Variants in ACHE observed in about 807,000 individuals in gnomAD.
ACHE encodes the protein acetylcholinesterase (Yt blood group).
In ACHE, 19 loss-of-function variants were observed where a neutral mutation model predicts 53.9. The ratio of observed to expected loss-of-function variants is 0.35; its 90% CI spans 0.25 to 0.52. The LOEUF (loss-of-function observed/expected upper bound fraction) is 0.52, where lower values mean the gene tolerates loss of function less well. Among genes scored for constraint, ACHE ranks in the 20% least tolerant of loss-of-function variants. ACHE has a pLI of 0.95. For synonymous variants in ACHE, 392 were observed against 378.1 expected, an observed-to-expected ratio of 1.04 and a Z score of -0.43; for missense variants, 605 against 849.4, an observed-to-expected ratio of 0.71 and a Z score of 3.58.
chr7:100,894,163 G>T lies in ACHE; in HGVS notation c.70C>A (p.Leu24Ile). Residue 24 changes from leucine to isoleucine, a missense_variant, in exon 2 of 5, where the codon CTC becomes ATC. Leu to Ile is a conservative substitution (Grantham distance 5, BLOSUM62 2). This residue lies in a region of ACHE where 89 missense variants were observed against 78.9 expected (regional missense o/e 1.13). Coordinates refer to ENST00000241069, the MANE Select transcript of ACHE (RefSeq NM_000665.5). ...TCAGCCCCCACTCCTCCACCCAGGA[G>T]CCAGAGGAGGAGGAGAAGGAGTGGG... Reference protein sequence around the residue: ...ASPLLLLLLWLLGGGVGAEGR... With the variant: ...ASPLLLLLLWILGGGVGAEGR... 6.7e-7 allele frequency: 1 copy of T among 1,486,070 alleles called. No homozygotes were observed. Among genetic ancestry groups the T allele is most frequent in the Non-Finnish European group, 8.9e-7 (1 of 1,124,466 alleles). The allele number at this position is 1,486,070 out of a possible 1,614,324, so 92.1% of individuals were successfully genotyped here.
At chr7:100,893,074 G>A (rs1790798646) in intron 2 of ACHE, 91 bp downstream of exon 2, 1 of 1,405,636 alleles carries the variant, frequency 7.1e-7, no homozygotes, top group Non-Finnish European at 9.8e-7. Context: ...GAATGGGCCT[G>A]GAGAAGCCCT....
At position 100,892,208 on chromosome 7, in the gene ACHE, C is replaced by T; in HGVS notation, c.1553+126G>A. The stretch of plus-strand genomic sequence containing the variant: ...CTTTTATCTACTTTGTGAGCATATC[C>T]CTCTCTGGCTGTTCTATCCTGCCCC... On this transcript the variant is annotated intron_variant, in intron 3 of 4. Transcript: ENST00000241069. The surrounding 1 kb of genome is among the most constrained non-coding windows in gnomAD (Gnocchi z 5.2). 2 of 1,205,460 alleles carry T rather than the reference C, an allele frequency of 1.7e-6. No individual in the cohort carries two copies. Among genetic ancestry groups the T allele is most frequent in the Non-Finnish European group, 2.2e-6 (2 of 923,192 alleles). 74.7% of individuals were successfully genotyped at this position (1,205,460 alleles called of 1,614,324 possible). A position where few individuals can be genotyped will look rare whatever the true frequency, so the allele number is the denominator to read the frequency against.
At chr7:100,895,976 C>A (rs1315800603), upstream of ACHE, 1 of 150,122 alleles carries the variant, frequency 6.7e-6, no homozygotes, top group African/African-American at 2.4e-5. Context: ...GCCCCCGCCC[C>A]TCCCCGCTCT....
At position 100,893,569 on chromosome 7, in the gene ACHE, C is replaced by T; in HGVS notation, c.664G>A (p.Gly222Arg). The T allele has an allele frequency of 4.3e-6, 7 of 1,612,112 alleles. No homozygotes were observed. Among genetic ancestry groups the T allele is most frequent in the Non-Finnish European group, 5.9e-6 (7 of 1,180,018 alleles). Reference sequence around the variant, plus strand: ...AGCGTCACTGATGTCGGGTCACCCCCGAAGGCTGCCACGTTCTCCTGCACC... The same window carrying T: ...AGCGTCACTGATGTCGGGTCACCCCTGAAGGCTGCCACGTTCTCCTGCACC... ...QWVQENVAAFGGDPTSVTLFG... is the reference protein window; with the variant it reads ...QWVQENVAAFRGDPTSVTLFG... The change falls in exon 2 of 5, where the codon GGG becomes AGG. Residue 222 changes from glycine to arginine, a missense_variant. Around this residue, in one of 4 missense-constraint regions of ACHE, gnomAD observed 397 missense variants for 632.5 expected, o/e 0.63. Coordinates refer to ENST00000241069, the MANE Select transcript of ACHE (RefSeq NM_000665.5).
In ACHE at chr7:100,890,197, T is replaced by TA; in HGVS notation, c.*16_*17insT. 6 of 1,613,182 alleles carry TA rather than the reference T, an allele frequency of 3.7e-6. No homozygotes were observed. Among genetic ancestry groups the TA allele is most frequent in the Non-Finnish European group, 5.1e-6 (6 of 1,179,402 alleles). On this transcript the variant is annotated 3_prime_UTR_variant, in exon 5 of 5. Coordinates refer to ENST00000241069, the MANE Select transcript of ACHE (RefSeq NM_000665.5). ...AGGGGGCCGGGCGGAGCGGAGGACATGGGGGTCCCGCCGGGGTCACAGGTC... is the reference window on the plus strand; with the variant it reads ...AGGGGGCCGGGCGGAGCGGAGGACATAGGGGGTCCCGCCGGGGTCACAGGTC...
rs755963317 is a variant in ACHE at position 100,893,492 on chromosome 7, C to T, written c.741G>A (p.Pro247=). The part of the protein sequence containing the change: ...AASVGMHLLS[P]PSRGLFHRAV... ...CCCTGTGGAACAGGCCCCGGCTGGG[C>T]GGGGACAGCAGGTGCATGCCCACCG... is the stretch of plus-strand genomic sequence containing the variant. The change falls in exon 2 of 5, where the codon CCG becomes CCA. Residue 247 remains proline, a synonymous_variant. Transcript: ENST00000241069. The T allele has an allele frequency of 2.6e-5, 41 of 1,607,670 alleles. No individual in the cohort carries two copies. Among genetic ancestry groups the T allele is most frequent in the South Asian group, 2.1e-4 (19 of 91,034 alleles).
Position 100,892,247 on chromosome 7 carries a change from CT to C in ACHE, c.1553+86del. The C allele has an allele frequency of 7.0e-7, 1 of 1,435,152 alleles. No homozygotes were observed. The highest frequency in any genetic ancestry group is 9.2e-7 in the Non-Finnish European group (1 of 1,088,306). The allele number at this position is 1,435,152 out of a possible 1,614,324, so 88.9% of individuals were successfully genotyped here. A position where few individuals can be genotyped will look rare whatever the true frequency, so the allele number is the denominator to read the frequency against. On this transcript the variant is annotated intron_variant, in intron 3 of 4. Coordinates refer to ENST00000241069, the MANE Select transcript of ACHE (RefSeq NM_000665.5). The surrounding 1 kb of genome is among the most constrained non-coding windows in gnomAD (Gnocchi z 5.2). The stretch of plus-strand genomic sequence containing the variant: ...CTATCCTGCCCCTGTCCCACCCGTC[CT>C]TTCTGTCTCCGTGTGTCTGCCTTTG...
Position 100,894,260 on chromosome 7 carries a change from G to A in ACHE, c.-20-8C>T, listed in dbSNP as rs539221598. On this transcript the variant is annotated splice_polypyrimidine_tract_variant and splice_region_variant and intron_variant, in intron 1 of 4. Coordinates refer to ENST00000241069, the MANE Select transcript of ACHE (RefSeq NM_000665.5). Reference sequence around the variant, plus strand: ...CTGCAGGGCAGGCGGCGTCTGCTGGGAGAAAGAAAGGGAAAGGGTGAAGGG... The same window carrying A: ...CTGCAGGGCAGGCGGCGTCTGCTGGAAGAAAGAAAGGGAAAGGGTGAAGGG... 9 of 1,419,512 alleles carry A rather than the reference G, an allele frequency of 6.3e-6. No homozygotes were observed. The East Asian group carries it at 2.3e-4, about 37-fold the overall frequency. The allele number at this position is 1,419,512 out of a possible 1,614,324, so 87.9% of individuals were successfully genotyped here. A position where few individuals can be genotyped will look rare whatever the true frequency, so the allele number is the denominator to read the frequency against.
rs1180769062 is a variant in ACHE at position 100,890,341 on chromosome 7, G to C, written c.1724-6C>G. The C allele has an allele frequency of 6.2e-7, 1 of 1,602,554 alleles. No homozygotes were observed. The highest frequency in any genetic ancestry group is 1.7e-4 in the Middle Eastern group (1 of 5,934). ...CTCCGCCTCGTCGAGCGTGTCTGCGGCCAGGGCGCCCAGCGAGGCGGGAGG... is the reference window on the plus strand; with the variant it reads ...CTCCGCCTCGTCGAGCGTGTCTGCGCCCAGGGCGCCCAGCGAGGCGGGAGG... On this transcript the variant is annotated splice_polypyrimidine_tract_variant and splice_region_variant and intron_variant, in intron 4 of 4. Transcript: ENST00000241069.
In ACHE at chr7:100,894,197, G is replaced by C; in HGVS notation, c.36C>G (p.Ser12=). 3 of 1,474,978 alleles carry C rather than the reference G, an allele frequency of 2.0e-6. No individual in the cohort carries two copies. Among genetic ancestry groups the C allele is most frequent in the Non-Finnish European group, 2.7e-6 (3 of 1,119,762 alleles). 91.4% of individuals were successfully genotyped at this position (1,474,978 alleles called of 1,614,324 possible). ...GGAGGAGAAGGAGTGGGGAAGCCAG[G>C]GAAGGCGTGTGCAGCAGACACTGCG... ...RPPQCLLHTP[S]LASPLLLLLL... is the part of the protein sequence containing the mutation. The change falls in exon 2 of 5, where the codon TCC becomes TCG. Residue 12 remains serine, a synonymous_variant. Coordinates refer to ENST00000241069, the MANE Select transcript of ACHE (RefSeq NM_000665.5).
chr7:100,895,086 C>A (rs1452029569), intron 1 of ACHE, among the ~76,000 whole-genome samples: 3 of 152,014 alleles, frequency 2.0e-5, no homozygotes, highest in Non-Finnish European at 4.4e-5. Context: ...AGCCGGGACG[C>A]CTGCGTTCCC....
Position 100,890,064 on chromosome 7 carries a change from T to A in ACHE, c.*150A>T. ...GGGGGAGGGAGCTCAGCCTGAGACA[T>A]GCAGAGGACCGGGAGCCCCGGGGGA... is the stretch of plus-strand genomic sequence containing the variant. On this transcript the variant is annotated 3_prime_UTR_variant, in exon 5 of 5. Transcript: ENST00000241069. 1 of 931,138 alleles carries A rather than the reference T, an allele frequency of 1.1e-6. No homozygotes were observed. The highest frequency in any genetic ancestry group is 1.6e-6 in the Non-Finnish European group (1 of 636,800). The allele number at this position is 931,138 out of a possible 1,614,324, so 57.7% of individuals were successfully genotyped here.
At chr7:100,891,046 T>C (rs1305687037) in intron 4 of ACHE, 123 bp downstream of exon 4, 1 of 1,461,620 alleles carries the variant, frequency 6.8e-7, no homozygotes. Context: ...CGGAGCAGCC[T>C]CCCCATGGGT....
At chr7:100,893,039 C>T in intron 2 of ACHE, 126 bp downstream of exon 2, 1 of 1,261,624 alleles carries the variant, frequency 7.9e-7, no homozygotes, top group Non-Finnish European at 1.1e-6. Context: ...TCTGAGCCCT[C>T]AGGGAGGACT....
chr7:100,892,890 C>A lies in ACHE; in HGVS notation c.1069-72G>T. On this transcript the variant is annotated intron_variant, in intron 2 of 4. Coordinates refer to ENST00000241069, the MANE Select transcript of ACHE (RefSeq NM_000665.5). The surrounding 1 kb of genome is among the most constrained non-coding windows in gnomAD (Gnocchi z 5.2). ...AGACAAGTAGACAGAAACAGATGGA[C>A]AGACAAAGAGCCAGAGAGATGAACA... 1 of 1,468,330 alleles carries A rather than the reference C, an allele frequency of 6.8e-7. No homozygotes were observed. The highest frequency in any genetic ancestry group is 9.0e-7 in the Non-Finnish European group (1 of 1,107,420). The allele number at this position is 1,468,330 out of a possible 1,614,324, so 91.0% of individuals were successfully genotyped here.
At chr7:100,894,469 T>C in intron 1 of ACHE, 1 of 415,390 alleles carries the variant, frequency 2.4e-6, no homozygotes, top group East Asian at 3.7e-5. Flanking sequence ...CAGACACCCA[T>C]ATCCAGACAA....
At chr7:100,894,386 G>A (rs1790913423) in intron 1 of ACHE, 134 bp from the exon 2 acceptor site, 4 of 530,590 alleles carry the variant, frequency 7.5e-6, no homozygotes, top group Non-Finnish European at 1.3e-5. Context: ...GATGAGGGGA[G>A]AGAGGGAGGG....
chr7:100,894,516 C>T (rs1023282032), intron 1 of ACHE: 1 of 312,620 alleles, frequency 3.2e-6, no homozygotes, highest in Non-Finnish European at 5.9e-6. Context: ...CTCTGCTCCG[C>T]AGGGGTCCAC....
chr7:100,890,241 G>C lies in ACHE; in HGVS notation c.1818C>G (p.Ser606Arg). The C allele has an allele frequency of 6.2e-7, 1 of 1,614,010 alleles. No individual in the cohort carries two copies. Among genetic ancestry groups the C allele is most frequent in the African/African-American group, 1.3e-5 (1 of 75,058 alleles). Residue 606 changes from serine (S) to arginine (R), a missense_variant, in exon 5 of 5, where the codon AGC (serine) becomes AGG (arginine). Ser to Arg is a moderately radical substitution (Grantham distance 110). Around this residue, in one of 4 missense-constraint regions of ACHE, gnomAD observed 28 missense variants for 54.8 expected, o/e 0.51. Transcript: ENST00000241069. Reference protein sequence around the residue: ...VHWKNQFDHYSKQDRCSDL With the variant: ...VHWKNQFDHYRKQDRCSDL The stretch of plus-strand genomic sequence containing the variant: ...ACAGGTCTGAGCAGCGATCCTGCTT[G>C]CTGTAGTGGTCGAACTGGTTCTTCC...
Sources: gnomAD v4.1 joint callset for allele counts (sites outside exome capture counted in the v4.1 genomes callset) on GRCh38, gnomAD v4.1.1 for gene constraint, gnomAD v4.1.1 regional missense constraint, Gnocchi (gnomAD v3.1) non-coding constraint, MANE v1.5 for transcripts, NCBI Gene and HGNC (gene_info 2026-07-23, HGNC 2026-07-21) for gene names.